The following RXFP2 variants were observed in gnomAD, a reference collection of about 807,000 sequenced individuals.
The protein encoded by RXFP2 is relaxin receptor 2.
Under a neutral mutation model 88.6 loss-of-function variants are expected in RXFP2, and 68 were observed. The observed-to-expected ratio is 0.77, with a 90% confidence interval of 0.63 to 0.94. The LOEUF is 0.94. Among genes scored for constraint, RXFP2 ranks in the 40% least tolerant of loss-of-function variants. RXFP2 has a pLI of 0.00. For missense variants in RXFP2, 791 were observed against 893.9 expected (o/e 0.88, Z 1.47); for synonymous variants, 329 against 306.8 (o/e 1.07, Z -0.76).
At chr13:31,792,156 A>G in intron 15 of RXFP2, 121 bp downstream of exon 15, 1 of 763,896 alleles carries the variant, frequency 1.3e-6, no homozygotes, top group South Asian at 1.8e-5. Context: ...CATCCTGGGC[A>G]CATTTTTTTT....
chr13:31,762,039 T>C (rs1872325670), intron 3 of RXFP2, among the ~76,000 whole-genome samples: 1 of 152,218 alleles, frequency 6.6e-6, no homozygotes, highest in Non-Finnish European at 1.5e-5. Context: ...ATATAAGTAT[T>C]GAATAATTGT....
intron 14 of RXFP2, 30 bp downstream of exon 14, chr13:31,789,223 G>C: frequency 7.1e-7 from 1 of 1,405,630 alleles, no homozygotes; most frequent in Non-Finnish European, 1.0e-6. Context: ...GGAGGAGGAA[G>C]CATGGTAAAA....
chr13:31,774,880 A>G lies in RXFP2; in HGVS notation c.569+189A>G, dbSNP rs3848100. 0.3 allele frequency among the ~76,000 whole-genome samples: 45,327 copies of G among 152,064 alleles called. 6,910 individuals are homozygous for G. The highest frequency in any genetic ancestry group is 0.45 in the East Asian group (2,348 of 5,164). ...CCTACCTTTACCAGAAGACATACAA[A>G]GGTTCTCCTTAACCTTGTCTTCTCT... On this transcript the variant is annotated intron_variant, in intron 6 of 17. Coordinates refer to ENST00000298386, the MANE Select transcript of RXFP2 (RefSeq NM_130806.5).
At chr13:31,799,807 A>G (rs919116783) in intron 17 of RXFP2, among the ~76,000 whole-genome samples, 1 of 152,194 alleles carries the variant, frequency 6.6e-6, no homozygotes, top group Non-Finnish European at 1.5e-5. Flanking sequence ...CTGGAAGTCC[A>G]AGATCAAAGT....
intron 10 of RXFP2, 63 bp from the exon 11 acceptor site, chr13:31,782,613 C>T: frequency 7.5e-6 from 9 of 1,204,390 alleles, no homozygotes; most frequent in Middle Eastern, 1.9e-4. Flanking sequence ...TGGCCTCTCC[C>T]AATGAGAACT....
At chr13:31,787,087 T>C (rs1873580544) in intron 13 of RXFP2, among the ~76,000 whole-genome samples, 1 of 152,228 alleles carries the variant, frequency 6.6e-6, no homozygotes, top group Non-Finnish European at 1.5e-5. Flanking sequence ...ATATGCACAT[T>C]CAGAAAATTA....
intron 5 of RXFP2, among the ~76,000 whole-genome samples, chr13:31,773,684 G>A (rs1344764274): frequency 6.6e-6 from 1 of 152,098 alleles, no homozygotes; most frequent in Non-Finnish European, 1.5e-5. Flanking sequence ...GGCAAAGGCT[G>A]GGGAGCTCTG....
rs756329956 is a variant in RXFP2 at position 31,758,299 on chromosome 13, CA to C, written c.141del (p.Gly48AspfsTer55). ...AGGTAGCATGATCACTCCTTCATGC[CA>C]AAAAGGATATTTTCCCTGTGGGAAT... Reference protein sequence around the residue: ...TQGSMITPSCQKGYFPCGNLT... With the variant: ...TQGSMITPSCXKGYFPCGNLT... On this transcript the variant is annotated frameshift_variant, in exon 2 of 18. Transcript: ENST00000298386. LOFTEE classifies it high-confidence loss of function. 6 of 1,613,792 alleles carry C rather than the reference CA, an allele frequency of 3.7e-6. No homozygotes were observed. The South Asian group carries it at 6.6e-5, about 18-fold the overall frequency.
intron 5 of RXFP2, among the ~76,000 whole-genome samples, chr13:31,767,671 T>C (rs905842181): frequency 5.9e-5 from 9 of 151,962 alleles, no homozygotes; most frequent in African/African-American, 2.2e-4. Flanking sequence ...AAGTCTGCAA[T>C]GGTTAAATGA....
At chr13:31,766,349 T>G (rs1346730199) in intron 5 of RXFP2, among the ~76,000 whole-genome samples, 1 of 151,934 alleles carries the variant, frequency 6.6e-6, no homozygotes, top group African/African-American at 2.4e-5. Context: ...AGGCACTTTT[T>G]CACTTGAAAA....
chr13:31,798,819 CT>C (rs1455956491), intron 17 of RXFP2, among the ~76,000 whole-genome samples: 1 of 152,158 alleles, frequency 6.6e-6, no homozygotes, highest in Non-Finnish European at 1.5e-5. Context: ...CTTTCACCTT[CT>C]AAGATTTTAG....
intron 3 of RXFP2, 143 bp from the exon 4 acceptor site, chr13:31,764,894 T>C: frequency 1.6e-6 from 1 of 607,200 alleles, no homozygotes; most frequent in Non-Finnish European, 3.0e-6. Flanking sequence ...TCTTATTTAA[T>C]TTTATTAGGG....
At chr13:31,776,145 TTTCTCTCTCTCTC>T in intron 7 of RXFP2, among the ~76,000 whole-genome samples, 1 of 150,120 alleles carries the variant, frequency 6.7e-6, no homozygotes, top group Non-Finnish European at 1.5e-5. Flanking sequence ...TTTCTTTCTC[TTTCTCTCTCTCTC>T]TCTTTCTTCC....
rs1873099794 is a variant in RXFP2, at chr13:31,778,501, T to C, written c.714-11T>C. On this transcript the variant is annotated splice_polypyrimidine_tract_variant and intron_variant, in intron 8 of 17. Transcript: ENST00000298386. ...CATTTTATTTCTAATTAACATTTTCTTTGTGTAAAGGTCTATGGTTAATAA... is the reference window on the plus strand; with the variant it reads ...CATTTTATTTCTAATTAACATTTTCCTTGTGTAAAGGTCTATGGTTAATAA... 1 of 1,576,422 alleles carries C rather than the reference T, an allele frequency of 6.3e-7. No homozygotes were observed. Among genetic ancestry groups the C allele is most frequent in the Admixed American group, 1.7e-5 (1 of 59,816 alleles).
intron 1 of RXFP2, among the ~76,000 whole-genome samples, chr13:31,750,200 A>T (rs982223256): frequency 1.3e-5 from 2 of 152,174 alleles, no homozygotes; most frequent in East Asian, 3.9e-4. Flanking sequence ...TTTCTCACAC[A>T]TGGTTCAAAA....
intron 5 of RXFP2, among the ~76,000 whole-genome samples, chr13:31,766,933 G>C (rs941720516): frequency 3.2e-4 from 48 of 152,162 alleles, no homozygotes; most frequent in Admixed American, 3.1e-3. Context: ...GGCTACACCT[G>C]CTGAGATGAT....
intron 8 of RXFP2, 98 bp downstream of exon 8, chr13:31,777,545 A>T: frequency 1.1e-6 from 1 of 892,108 alleles, no homozygotes; most frequent in Non-Finnish European, 1.8e-6. Context: ...CAAGCCCACA[A>T]AAATTTTTAT....
intron 1 of RXFP2, among the ~76,000 whole-genome samples, chr13:31,753,733 T>C (rs187314329): frequency 5.8e-4 from 89 of 152,330 alleles, no homozygotes; most frequent in African/African-American, 2.0e-3. Flanking sequence ...TAAAAAATAA[T>C]TTCTCATCAG....
chr13:31,765,049 A>G lies in RXFP2; in HGVS notation c.332A>G (p.Tyr111Cys). ...ALTQECFLKQ[Y>C]PQCCDCKETE... ...TTTGTCCCATTAGTTCTAAAACAGT[A>G]TCCACAATGCTGTGACTGCAAAGAA... is the stretch of plus-strand genomic sequence containing the variant. The change falls in exon 4 of 18, where the codon TAT becomes TGT. Residue 111 changes from tyrosine to cysteine, a missense_variant. By Grantham distance (194) the Tyr-to-Cys change is radical. Transcript: ENST00000298386. 1 of 1,594,426 alleles carries G rather than the reference A, an allele frequency of 6.3e-7. No individual in the cohort carries two copies. Among genetic ancestry groups the G allele is most frequent in the South Asian group, 1.1e-5 (1 of 90,696 alleles).
Sources: gnomAD v4.1 joint callset for allele counts (sites outside exome capture counted in the v4.1 genomes callset) on GRCh38, gnomAD v4.1.1 for gene constraint, MANE v1.5 for transcripts, NCBI Gene and HGNC (gene_info 2026-07-23, HGNC 2026-07-21) for gene names.